Variants in TFPI observed in about 807,000 individuals in gnomAD.
The protein encoded by TFPI is tissue factor pathway inhibitor.
A neutral mutation model predicts 34.6 loss-of-function variants in TFPI; 15 were observed. That is an observed-to-expected ratio of 0.43 (90% CI 0.29 to 0.67). TFPI has a LOEUF of 0.67. Ranked by LOEUF, TFPI falls within the 30% of genes least tolerant of loss-of-function variation. TFPI has a pLI of 0.15. For synonymous variants in TFPI, 105 were observed against 120.1 expected, an observed-to-expected ratio of 0.87 and a Z score of 0.82; for missense variants, 301 against 364.0, an observed-to-expected ratio of 0.83 and a Z score of 1.41.
intron 1 of TFPI, among the ~76,000 whole-genome samples, chr2:187,532,970 C>T (rs1012958478): frequency 6.6e-6 from 1 of 152,168 alleles, no homozygotes; most frequent in South Asian, 2.1e-4. Flanking sequence ...CAGGGAAGTT[C>T]CAGCACAGCT....
At chr2:187,544,497 A>G (rs1410395680) in intron 1 of TFPI, 1 of 152,156 alleles carries the variant, frequency 6.6e-6, no homozygotes, top group African/African-American at 2.4e-5. Flanking sequence ...AACAACAAAA[A>G]TCAAACCTCC....
At chr2:187,526,636 G>A (rs1687690670) in intron 1 of TFPI, among the ~76,000 whole-genome samples, 1 of 152,068 alleles carries the variant, frequency 6.6e-6, no homozygotes, top group Admixed American at 6.6e-5. Context: ...ATCTTTAAGT[G>A]AATCTAGAAA....
chr2:187,477,440 G>T (rs556291684), intron 6 of TFPI, among the ~76,000 whole-genome samples: 18 of 152,248 alleles, frequency 1.2e-4, no homozygotes, highest in African/African-American at 4.1e-4. Context: ...TATGAAAGTG[G>T]ACTGTGGATG....
intron 5 of TFPI, 119 bp downstream of exon 5, chr2:187,484,692 C>T (rs1233699174): frequency 1.1e-6 from 1 of 875,756 alleles, no homozygotes; most frequent in East Asian, 3.1e-5. Flanking sequence ...TGAATGCACA[C>T]AAATATATCT....
intron 1 of TFPI, among the ~76,000 whole-genome samples, chr2:187,505,366 G>C (rs1009590349): frequency 1.3e-5 from 2 of 152,056 alleles, no homozygotes; most frequent in African/African-American, 2.4e-5. Context: ...TGGGTGCTAG[G>C]ATTAGAAACC....
chr2:187,544,353 A>G (rs1373919044), intron 1 of TFPI, among the ~76,000 whole-genome samples: 1 of 152,204 alleles, frequency 6.6e-6, no homozygotes, highest in Non-Finnish European at 1.5e-5. Context: ...TTACACTTAA[A>G]TTACACTTAT....
In TFPI at chr2:187,484,139, C is replaced by G. The variant is rs1258433112; in HGVS notation, c.613G>C (p.Val205Leu). The change falls in exon 6 of 8, where the codon GTT becomes CTT. Residue 205 changes from valine (V) to leucine (L), a missense_variant. Coordinates refer to ENST00000233156, the MANE Select transcript of TFPI (RefSeq NM_006287.6). ...NNSLTPQSTK[V>L]PSLFEFHGPS... ...AGATTCTTACCAAAAAGGCTGGGAA[C>G]CTTGGTTGATTGCGGAGTCAGGGAG... The G allele has an allele frequency of 6.2e-7, 1 of 1,612,176 alleles. No homozygotes were observed. Among genetic ancestry groups the G allele is most frequent in the Non-Finnish European group, 8.5e-7 (1 of 1,178,698 alleles).
At chr2:187,499,197 G>T (rs778175706) in intron 2 of TFPI, among the ~76,000 whole-genome samples, 54 of 151,482 alleles carry the variant, frequency 3.6e-4, no homozygotes, top group Non-Finnish European at 6.2e-4. Context: ...GCTTTAGAAG[G>T]TCTCTCAGGC....
chr2:187,527,399 T>C (rs1195630711), intron 1 of TFPI: 1 of 152,164 alleles, frequency 6.6e-6, no homozygotes, highest in Non-Finnish European at 1.5e-5. Context: ...AGAGCCAGAT[T>C]TTTCTCAGGA....
intron 2 of TFPI, among the ~76,000 whole-genome samples, chr2:187,501,438 C>T (rs955593877): frequency 2.0e-5 from 3 of 151,902 alleles, no homozygotes; most frequent in Non-Finnish European, 2.9e-5. Flanking sequence ...AGGTAACTTA[C>T]CATCTAAGAA....
At chr2:187,535,536 T>C (rs1688203161) in intron 1 of TFPI, among the ~76,000 whole-genome samples, 1 of 152,088 alleles carries the variant, frequency 6.6e-6, no homozygotes, top group African/African-American at 2.4e-5. Context: ...TTGAAACCAA[T>C]GAGAATAAAG....
At chr2:187,488,450 C>A in intron 3 of TFPI, 75 bp from the exon 4 acceptor site, 1 of 925,918 alleles carries the variant, frequency 1.1e-6, no homozygotes. Context: ...ATTTAACAAA[C>A]AAGAGTGACA....
chr2:187,546,766 A>G (rs1005590467), intron 1 of TFPI: 3 of 152,160 alleles, frequency 2.0e-5, no homozygotes, highest in Non-Finnish European at 4.4e-5. Context: ...ATGGTATTTC[A>G]GGACCAAAAC....
intron 1 of TFPI, among the ~76,000 whole-genome samples, chr2:187,540,915 G>GA (rs1165025000): frequency 2.8e-5 from 4 of 144,856 alleles, no homozygotes; most frequent in East Asian, 2.0e-4. Flanking sequence ...AAAGAAAAAA[G>GA]AAAAAAAAGA....
intron 3 of TFPI, among the ~76,000 whole-genome samples, chr2:187,490,874 ATTTG>A (rs1239529949): frequency 6.6e-6 from 1 of 151,320 alleles, no homozygotes; most frequent in Admixed American, 6.6e-5. Flanking sequence ...TTATGGGCCT[ATTTG>A]TTATTTCTGC....
chr2:187,479,050 G>A (rs1174758174), intron 6 of TFPI, among the ~76,000 whole-genome samples: 1 of 152,092 alleles, frequency 6.6e-6, no homozygotes, highest in Non-Finnish European at 1.5e-5. Flanking sequence ...GTAGTGAAAA[G>A]GCAGATTGGT....
At chr2:187,512,802 A>G (rs1181186713) in intron 1 of TFPI, among the ~76,000 whole-genome samples, 2 of 152,218 alleles carry the variant, frequency 1.3e-5, no homozygotes, top group Non-Finnish European at 2.9e-5. Context: ...TTATGTAAAA[A>G]GAATGTTATA....
chr2:187,516,969 G>A (rs1158777435), intron 1 of TFPI: 1 of 152,178 alleles, frequency 6.6e-6, no homozygotes, highest in Non-Finnish European at 1.5e-5. Flanking sequence ...CTCACTCGGG[G>A]AGCTCGGCTT....
intron 2 of TFPI, among the ~76,000 whole-genome samples, chr2:187,499,058 AAAT>A (rs1357456262): frequency 6.6e-6 from 1 of 152,000 alleles, no homozygotes; most frequent in African/African-American, 2.4e-5. Context: ...GTATATATAC[AAAT>A]AATTGTATCA....
Sources: allele counts gnomAD v4.1 joint callset (sites outside exome capture counted in the v4.1 genomes callset), GRCh38; gene constraint gnomAD v4.1.1; transcripts MANE v1.5; gene names NCBI Gene and HGNC (gene_info 2026-07-23, HGNC 2026-07-21).